Variants in GRID2 observed in about 807,000 individuals in gnomAD.
GRID2 encodes glutamate receptor ionotropic, delta-2.
GRID2 carries 33 observed loss-of-function variants against 114.8 expected under a neutral mutation model. The observed-to-expected ratio is 0.29, with a 90% CI of 0.22 to 0.38. GRID2 has a LOEUF of 0.38. Among genes scored for constraint, GRID2 ranks in the 10% least tolerant of loss-of-function variants. The probability of loss-of-function intolerance (pLI) is 1.00; values close to 1 mark genes in which losing one functional copy is unlikely to be tolerated. For synonymous variants in GRID2, 505 were observed against 449.9 expected, an observed-to-expected ratio of 1.12 and a Z score of -1.55; for missense variants, 1,184 against 1,257.7, an observed-to-expected ratio of 0.94 and a Z score of 0.89.
At chr4:93,248,708 A>G (rs1281580361) in intron 8 of GRID2, among the ~76,000 whole-genome samples, 2 of 152,204 alleles carry the variant, frequency 1.3e-5, no homozygotes, top group African/African-American at 2.4e-5. Flanking sequence ...AAGTGCTAAT[A>G]GAAGTTTCAT....
chr4:92,584,698 A>G (rs1487109121), intron 1 of GRID2, among the ~76,000 whole-genome samples: 1 of 151,960 alleles, frequency 6.6e-6, no homozygotes, highest in Non-Finnish European at 1.5e-5. Flanking sequence ...TTGAATATAT[A>G]TGTATATGTG....
intron 1 of GRID2, among the ~76,000 whole-genome samples, chr4:92,403,709 T>C (rs1372516615): frequency 7.4e-6 from 1 of 135,908 alleles, no homozygotes; most frequent in Non-Finnish European, 1.6e-5. Flanking sequence ...AATAAATAAA[T>C]AAATAAATAA....
At chr4:92,959,575 A>G (rs930257768) in intron 2 of GRID2, among the ~76,000 whole-genome samples, 8 of 152,124 alleles carry the variant, frequency 5.3e-5, no homozygotes, top group African/African-American at 1.9e-4. Context: ...TTGCAGCACT[A>G]TTCACAATAG....
intron 14 of GRID2, among the ~76,000 whole-genome samples, chr4:93,656,858 C>T (rs796078259): frequency 9.3e-5 from 7 of 74,950 alleles, no homozygotes; most frequent in African/African-American, 3.5e-4. Context: ...AAAAAAAAAA[C>T]AAATAATTCC....
intron 2 of GRID2, among the ~76,000 whole-genome samples, chr4:92,707,532 G>T (rs2149306479): frequency 6.6e-6 from 1 of 152,296 alleles, no homozygotes; most frequent in Non-Finnish European, 1.5e-5. Context: ...TGATATTCTA[G>T]TGGGAGAGAC....
chr4:92,450,633 A>G (rs1178167855), intron 1 of GRID2, among the ~76,000 whole-genome samples: 1 of 151,836 alleles, frequency 6.6e-6, no homozygotes. Context: ...TTTTAGCACA[A>G]TGAGACTATT....
At chr4:93,805,392 T>G (rs571822573) in intron 1 of GRID2, among the ~76,000 whole-genome samples, 1 of 152,256 alleles carries the variant, frequency 6.6e-6, no homozygotes, top group African/African-American at 2.4e-5. Flanking sequence ...TTGAAATTAG[T>G]GTTCACAGAC....
chr4:92,380,491 C>T (rs1194932156), intron 1 of GRID2, among the ~76,000 whole-genome samples: 1 of 151,914 alleles, frequency 6.6e-6, no homozygotes, highest in African/African-American at 2.4e-5. Flanking sequence ...CCAACTCCAC[C>T]TCTACATATT....
chr4:93,015,157 GA>G (rs1357270686), intron 2 of GRID2, among the ~76,000 whole-genome samples: 1 of 151,794 alleles, frequency 6.6e-6, no homozygotes, highest in Non-Finnish European at 1.5e-5. Context: ...GCTTCATTCT[GA>G]AAAAAAGGTA....
At chr4:92,737,803 T>G (rs957413678) in intron 2 of GRID2, among the ~76,000 whole-genome samples, 1 of 152,180 alleles carries the variant, frequency 6.6e-6, no homozygotes, top group Non-Finnish European at 1.5e-5. Flanking sequence ...TTTTCTTCAT[T>G]TAATGCATTT....
intron 2 of GRID2, among the ~76,000 whole-genome samples, chr4:93,021,729 T>C (rs1259116417): frequency 6.9e-6 from 1 of 145,604 alleles, no homozygotes; most frequent in Non-Finnish European, 1.5e-5. Context: ...ATAATATGTA[T>C]ATTATGAATA....
At chr4:93,220,752 T>C (rs576530511) in intron 6 of GRID2, among the ~76,000 whole-genome samples, 1 of 152,168 alleles carries the variant, frequency 6.6e-6, no homozygotes, top group Non-Finnish European at 1.5e-5. Flanking sequence ...CAAACTGCAG[T>C]GATAAACATT....
chr4:93,459,525 A>T (rs546875235), intron 11 of GRID2, among the ~76,000 whole-genome samples: 1 of 152,210 alleles, frequency 6.6e-6, no homozygotes, highest in Non-Finnish European at 1.5e-5. Context: ...TAAATAAGGA[A>T]GGATGACAAG....
At chr4:93,481,901 A>G (rs1015048756) in intron 11 of GRID2, among the ~76,000 whole-genome samples, 1 of 152,068 alleles carries the variant, frequency 6.6e-6, no homozygotes, top group African/African-American at 2.4e-5. Context: ...AGGAAGGTCA[A>G]AAGATTGAAG....
At chr4:92,924,157 C>A (rs1282933427) in intron 2 of GRID2, among the ~76,000 whole-genome samples, 1 of 152,052 alleles carries the variant, frequency 6.6e-6, no homozygotes, top group East Asian at 1.9e-4. Context: ...GGACAAAAAA[C>A]CAAACACCAC....
At chr4:93,391,828 A>G (rs762583811) in intron 8 of GRID2, among the ~76,000 whole-genome samples, 2 of 152,162 alleles carry the variant, frequency 1.3e-5, no homozygotes, top group Admixed American at 6.6e-5. Flanking sequence ...AAATACATCA[A>G]TCCAGTTTGT....
intron 1 of GRID2, among the ~76,000 whole-genome samples, chr4:92,453,963 T>C (rs1350537918): frequency 6.6e-6 from 1 of 152,222 alleles, no homozygotes; most frequent in Admixed American, 6.5e-5. Flanking sequence ...ATTGCAAATA[T>C]GTGTGCACTA....
intron 4 of GRID2, among the ~76,000 whole-genome samples, chr4:93,170,958 C>G (rs1221365387): frequency 6.6e-6 from 1 of 151,860 alleles, no homozygotes; most frequent in South Asian, 2.1e-4. Flanking sequence ...GCACTACTGT[C>G]TAGGCCAAAC....
At chr4:93,021,569 T>C (rs1282800753) in intron 2 of GRID2, among the ~76,000 whole-genome samples, 4 of 145,936 alleles carry the variant, frequency 2.7e-5, no homozygotes, top group Non-Finnish European at 4.5e-5. Context: ...AAATAATAAA[T>C]AATATATATT....
Sources: allele counts gnomAD v4.1 joint callset (sites outside exome capture counted in the v4.1 genomes callset), GRCh38; gene constraint gnomAD v4.1.1; transcripts MANE v1.5; gene names NCBI Gene and HGNC (gene_info 2026-07-23, HGNC 2026-07-21).